The following PLIN3 variants were observed in gnomAD, a reference collection of about 807,000 sequenced individuals.
PLIN3 encodes the protein perilipin-3.
Under a neutral mutation model 35.9 loss-of-function variants are expected in PLIN3, and 30 were observed. The ratio of observed to expected loss-of-function variants is 0.84; its 90% CI spans 0.62 to 1.13. PLIN3 has a LOEUF of 1.13. Among genes scored for constraint, PLIN3 ranks in the 50% most tolerant of loss-of-function variants. The pLI, the probability that PLIN3 is intolerant of heterozygous loss-of-function variation, is 0.00. For missense variants in PLIN3, 603 were observed against 596.9 expected (o/e 1.01, Z -0.11); for synonymous variants, 261 against 262.5 (o/e 0.99, Z 0.06).
At chr19:4,862,539 C>T (rs896996261) in intron 1 of PLIN3, among the ~76,000 whole-genome samples, 2 of 152,106 alleles carry the variant, frequency 1.3e-5, no homozygotes, top group African/African-American at 4.8e-5. Flanking sequence ...AGCCACCATG[C>T]CCGGCCCTGA....
chr19:4,844,644 A>AC (rs1459960605), intron 7 of PLIN3, 24 bp downstream of exon 7: 1 of 1,505,168 alleles, frequency 6.6e-7, no homozygotes, highest in Admixed American at 2.1e-5. Context: ...ACCCTAGGCC[A>AC]CCCCCCAGTC....
At chr19:4,839,609 AAG>A in intron 7 of PLIN3, 73 bp from the exon 8 acceptor site, 1 of 1,135,622 alleles carries the variant, frequency 8.8e-7, no homozygotes, top group Non-Finnish European at 1.2e-6. Context: ...AAGCCAGGGA[AAG>A]AGGGGAAGAG....
chr19:4,863,522 A>C (rs898576093), intron 1 of PLIN3, among the ~76,000 whole-genome samples: 8 of 144,004 alleles, frequency 5.6e-5, no homozygotes, highest in African/African-American at 1.8e-4. Context: ...AAGAGATTTA[A>C]ATGTAACTCA....
intron 7 of PLIN3, among the ~76,000 whole-genome samples, chr19:4,840,300 G>A (rs1297983271): frequency 6.6e-6 from 1 of 152,006 alleles, no homozygotes; most frequent in Non-Finnish European, 1.5e-5. Flanking sequence ...ATCTCACTTT[G>A]TCGCCCAGGC....
At chr19:4,840,504 C>T (rs190856032) in intron 7 of PLIN3, among the ~76,000 whole-genome samples, 20 of 152,218 alleles carry the variant, frequency 1.3e-4, no homozygotes, top group Admixed American at 5.2e-4. Flanking sequence ...CTGCCCACTT[C>T]AGCCTCCCAA....
chr19:4,839,536 G>C lies in PLIN3; in HGVS notation c.961C>G (p.Gln321Glu), dbSNP rs373515079. 1 of 1,515,252 alleles carries C rather than the reference G, an allele frequency of 6.6e-7. No individual in the cohort carries two copies. Among genetic ancestry groups the C allele is most frequent in the Non-Finnish European group, 8.9e-7 (1 of 1,129,278 alleles). The allele number at this position is 1,515,252 out of a possible 1,614,324, so 93.9% of individuals were successfully genotyped here. Reference protein sequence around the residue: ...GPEKEPPKPEQVESRALTMFR... With the variant: ...GPEKEPPKPEEVESRALTMFR... The stretch of plus-strand genomic sequence containing the variant: ...ATGGTGAGCGCCCGGGACTCGACCT[G>C]CTGAGAAGGGAGATGGGGACACCAA... Residue 321 changes from glutamine to glutamate, a missense_variant and splice_region_variant, in exon 8 of 8, where the codon CAG becomes GAG. Physicochemically the swap from Gln to Glu is conservative, Grantham distance 29. Coordinates refer to ENST00000221957, the MANE Select transcript of PLIN3 (RefSeq NM_005817.5).
chr19:4,843,332 G>C (rs1050565217), intron 7 of PLIN3, among the ~76,000 whole-genome samples: 108 of 151,648 alleles, frequency 7.1e-4, no homozygotes, highest in African/African-American at 1.9e-3. Flanking sequence ...CGGTGAAATC[G>C]CGTCTCTACT....
At position 4,852,085 on chromosome 19, in the gene PLIN3, C is replaced by T. The variant is rs1268506801; in HGVS notation, c.565G>A (p.Val189Ile). 1.2e-6 allele frequency: 2 copies of T among 1,613,948 alleles called. No individual in the cohort carries two copies. Among genetic ancestry groups the T allele is most frequent in the South Asian group, 1.1e-5 (1 of 91,076 alleles). ...SRLGQMVLSG[V>I]DTVLGKSEEW... ...TCCGACTTCCCCAGCACCGTGTCGA[C>T]CCCACTCAACACCATCTGGCCCAAG... Residue 189 changes from valine (V) to isoleucine (I), a missense_variant, in exon 5 of 8, where the codon GTC (valine) becomes ATC (isoleucine). Coordinates refer to ENST00000221957, the MANE Select transcript of PLIN3 (RefSeq NM_005817.5).
intron 5 of PLIN3, 138 bp downstream of exon 5, chr19:4,851,878 T>C (rs1474290345): frequency 6.9e-6 from 6 of 870,458 alleles, no homozygotes; most frequent in Admixed American, 2.4e-5. Context: ...GCGTTAGTGA[T>C]GAGATTCCAA....
intron 5 of PLIN3, among the ~76,000 whole-genome samples, chr19:4,851,476 T>C (rs2030288876): frequency 6.6e-6 from 1 of 151,804 alleles, no homozygotes; most frequent in Admixed American, 6.6e-5. Context: ...AATAAATAAA[T>C]AAATTAATTA....
rs773108073 is a variant in PLIN3 at position 4,852,014 on chromosome 19, A to G, written c.634+2T>C. 5 of 1,612,598 alleles carry G rather than the reference A, an allele frequency of 3.1e-6. No homozygotes were observed. The highest frequency in any genetic ancestry group is 4.2e-6 in the Non-Finnish European group (5 of 1,179,302). ...CCAGAGCAGCCCGCTGGCCACACTTACCCAGTTCGGCATCCGTAAGGGGCA... is the reference window on the plus strand; with the variant it reads ...CCAGAGCAGCCCGCTGGCCACACTTGCCCAGTTCGGCATCCGTAAGGGGCA... On this transcript the variant is annotated splice_donor_variant, in intron 5 of 7. Transcript: ENST00000221957. LOFTEE classifies it high-confidence loss of function.
At chr19:4,849,695 C>T (rs1261992269) in intron 5 of PLIN3, among the ~76,000 whole-genome samples, 1 of 152,082 alleles carries the variant, frequency 6.6e-6, no homozygotes, top group Non-Finnish European at 1.5e-5. Flanking sequence ...CTCTGTTGCC[C>T]AGGCTGGAGT....
At chr19:4,854,419 T>G (rs201017409) in intron 4 of PLIN3, among the ~76,000 whole-genome samples, 2 of 86,048 alleles carry the variant, frequency 2.3e-5, no homozygotes, top group African/African-American at 8.6e-5. Context: ...TTTTGTTTTT[T>G]TTTACAGAGT....
chr19:4,861,773 T>C (rs2030684292), intron 1 of PLIN3, among the ~76,000 whole-genome samples: 1 of 151,820 alleles, frequency 6.6e-6, no homozygotes, highest in African/African-American at 2.4e-5. Flanking sequence ...GTAGCTGGAT[T>C]ACAGGCACCC....
At chr19:4,847,166 G>A (rs529502925) in intron 6 of PLIN3, among the ~76,000 whole-genome samples, 6 of 150,690 alleles carry the variant, frequency 4.0e-5, no homozygotes, top group Non-Finnish European at 7.4e-5. Flanking sequence ...GGGATTACAG[G>A]CATGAGCCAC....
At chr19:4,843,835 C>G (rs2029991975) in intron 7 of PLIN3, among the ~76,000 whole-genome samples, 1 of 152,154 alleles carries the variant, frequency 6.6e-6, no homozygotes, top group Non-Finnish European at 1.5e-5. Context: ...GACCCTGTCT[C>G]AAAGATAAAT....
chr19:4,847,297 G>A (rs1397011514), intron 6 of PLIN3, among the ~76,000 whole-genome samples: 1 of 150,750 alleles, frequency 6.6e-6, no homozygotes, highest in South Asian at 2.1e-4. Context: ...TCAAGCAATC[G>A]TCCCACCTCA....
At chr19:4,865,952 T>C (rs2030839371) in intron 1 of PLIN3, among the ~76,000 whole-genome samples, 1 of 151,314 alleles carries the variant, frequency 6.6e-6, no homozygotes, top group Non-Finnish European at 1.5e-5. Context: ...CTCGATCTCC[T>C]GACCTCATGA....
At chr19:4,852,595 T>C (rs2030338068) in intron 4 of PLIN3, among the ~76,000 whole-genome samples, 1 of 152,104 alleles carries the variant, frequency 6.6e-6, no homozygotes, top group Admixed American at 6.6e-5. Context: ...TTCTCAGCTG[T>C]GTGGCTTCAG....
Sources: gnomAD v4.1 joint callset for allele counts (sites outside exome capture counted in the v4.1 genomes callset) on GRCh38, gnomAD v4.1.1 for gene constraint, MANE v1.5 for transcripts, NCBI Gene and HGNC (gene_info 2026-07-23, HGNC 2026-07-21) for gene names.